The following PKD1L1 variants were observed in gnomAD, a reference collection of about 807,000 sequenced individuals.
The protein encoded by PKD1L1 is polycystin-1-like protein 1.
A neutral mutation model predicts 323.4 loss-of-function variants in PKD1L1; 236 were observed. The observed-to-expected ratio is 0.73, with a 90% CI of 0.66 to 0.81. The LOEUF (loss-of-function observed/expected upper bound fraction) is 0.81. Among genes scored for constraint, PKD1L1 ranks in the 40% least tolerant of loss-of-function variants. The pLI is 0.00. For synonymous variants in PKD1L1, 1,344 were observed against 1,335.0 expected (o/e 1.01, Z -0.15); for missense variants, 3,320 against 3,508.0 (o/e 0.95, Z 1.35).
chr7:47,817,698 C>T (rs1200580022), intron 46 of PKD1L1, among the ~76,000 whole-genome samples: 3 of 152,064 alleles, frequency 2.0e-5, no homozygotes, highest in Admixed American at 6.6e-5. Context: ...GCTAAACCCC[C>T]GTCTTTACTA....
intron 25 of PKD1L1, among the ~76,000 whole-genome samples, chr7:47,865,534 A>C (rs1180505775): frequency 7.2e-6 from 1 of 139,178 alleles, no homozygotes; most frequent in African/African-American, 2.8e-5. Flanking sequence ...AGGGCTGATG[A>C]AATAAGGGTG....
chr7:47,780,050 G>C (rs779725816), intron 56 of PKD1L1, among the ~76,000 whole-genome samples: 2 of 151,544 alleles, frequency 1.3e-5, no homozygotes, highest in Non-Finnish European at 2.9e-5. Flanking sequence ...TTTACTTTGA[G>C]ATAACTGTAG....
At chr7:47,903,725 C>T (rs980515587) in intron 12 of PKD1L1, among the ~76,000 whole-genome samples, 12 of 152,188 alleles carry the variant, frequency 7.9e-5, no homozygotes, top group Admixed American at 2.0e-4. Flanking sequence ...GTTTTGATGC[C>T]AGCCTGAGGC....
rs1490098008 is a variant in PKD1L1 at position 47,885,687 on chromosome 7, A to G, written c.3204T>C (p.Ser1068=). 3 of 1,609,734 alleles carry G rather than the reference A, an allele frequency of 1.9e-6. No homozygotes were observed. The African/African-American group carries it at 4.0e-5, about 22-fold the overall frequency. ...QPTHSPDPHL[S]DFEAYYSDIQ... ...ACATGCAGGAACAGTGGCACTTACC[A>G]GAGAGGTGAGGGTCAGGGCTGTGGG... Residue 1068 remains serine, a splice_region_variant and synonymous_variant, in exon 18 of 57, where the codon TCT becomes TCC. Transcript: ENST00000289672.
chr7:47,959,427 G>A, the PKD1L1 span, among the ~76,000 whole-genome samples: 1 of 147,568 alleles, frequency 6.8e-6, no homozygotes, highest in East Asian at 2.0e-4. Context: ...GAGCGTCTCT[G>A]CCCGGCCGCC....
chr7:47,895,348 G>A (rs1196480168), intron 14 of PKD1L1, among the ~76,000 whole-genome samples: 1 of 152,190 alleles, frequency 6.6e-6, no homozygotes, highest in Non-Finnish European at 1.5e-5. Flanking sequence ...CTGTCCCATA[G>A]GCTGGACACA....
chr7:47,795,284 TC>T, intron 55 of PKD1L1: 1 of 450,282 alleles, frequency 2.2e-6, no homozygotes, highest in Non-Finnish European at 4.5e-6. Context: ...CTGGTCTTTC[TC>T]ATGCTATTCT....
intron 26 of PKD1L1, among the ~76,000 whole-genome samples, chr7:47,863,070 G>A (rs1786067245): frequency 6.6e-6 from 1 of 152,218 alleles, no homozygotes; most frequent in African/African-American, 2.4e-5. Context: ...AGAGGCAGGA[G>A]AGGTAGGAAG....
rs1286257791 is a variant in PKD1L1, at chr7:47,890,600, C to A, written c.2617G>T (p.Gly873Cys). Residue 873 changes from glycine (G) to cysteine (C), a missense_variant, in exon 16 of 57, where the codon GGC becomes TGC. By Grantham distance (159) the Gly-to-Cys change is radical. Coordinates refer to ENST00000289672, the MANE Select transcript of PKD1L1 (RefSeq NM_138295.5). ...ACCCGGGTCTCAGAAGAGTTCCGGC[C>A]ACCACTGGAGACCCTCAGCATCACA... ...FLVMLRVSSG[G>C]RNSSETRVFL... 1.2e-6 allele frequency: 2 copies of A among 1,614,190 alleles called. No homozygotes were observed. Among genetic ancestry groups the A allele is most frequent in the East Asian group, 4.5e-5 (2 of 44,878 alleles).
At chr7:47,951,083 C>A (rs972533184), upstream of PKD1L1, among the ~76,000 whole-genome samples, 1 of 152,146 alleles carries the variant, frequency 6.6e-6, no homozygotes, top group Non-Finnish European at 1.5e-5. Context: ...AACTGGAAAA[C>A]GTCGAGTTTT....
In PKD1L1 at chr7:47,829,430, C is replaced by T. The variant is rs1427531934; in HGVS notation, c.6730G>A (p.Glu2244Lys). The T allele has an allele frequency of 6.3e-7, 1 of 1,585,338 alleles. No homozygotes were observed. The highest frequency in any genetic ancestry group is 1.9e-5 in the Admixed American group (1 of 51,722). Residue 2244 changes from glutamate to lysine, a missense_variant, in exon 44 of 57, where the codon GAA becomes AAA. Coordinates refer to ENST00000289672, the MANE Select transcript of PKD1L1 (RefSeq NM_138295.5). The stretch of plus-strand genomic sequence containing the variant: ...GCATAGGTAATTTTTTTTACTTTTT[C>T]AACCTCGCCTGCACAGTCAGGAATA... ...CSIPDCAGEV[E>K]KVLAARQQAR...
intron 15 of PKD1L1, among the ~76,000 whole-genome samples, chr7:47,892,844 CGGGGGTAGGGGAGGTGGTGT>C (rs1319651605): frequency 6.6e-6 from 1 of 151,402 alleles, no homozygotes; most frequent in African/African-American, 2.4e-5. Context: ...CACAATGTAC[CGGGGGTAGGGGAGGTGGTGT>C]GGAACTGATG....
intron 56 of PKD1L1, among the ~76,000 whole-genome samples, chr7:47,775,568 G>T (rs1786548601): frequency 6.6e-6 from 1 of 152,054 alleles, no homozygotes; most frequent in African/African-American, 2.4e-5. Context: ...AGGGAAATTA[G>T]AAAGTATTTT....
At chr7:47,853,065 G>A (rs1785816411) in intron 31 of PKD1L1, 62 bp downstream of exon 31, 2 of 1,112,556 alleles carry the variant, frequency 1.8e-6, no homozygotes, top group African/African-American at 1.6e-5. Flanking sequence ...ACATACAAAG[G>A]TTATAGGGGA....
chr7:47,899,751 T>G (rs1483023280), intron 13 of PKD1L1, among the ~76,000 whole-genome samples: 1 of 151,906 alleles, frequency 6.6e-6, no homozygotes, highest in Non-Finnish European at 1.5e-5. Context: ...GGTCAGGAGA[T>G]CAAGACCATC....
the PKD1L1 span, among the ~76,000 whole-genome samples, chr7:47,957,877 A>ATATATATATATATATATATC: frequency 8.1e-5 from 12 of 148,466 alleles, no homozygotes; most frequent in Non-Finnish European, 1.6e-4. Context: ...ATATATATAT[A>ATATATATATATATATATATC]TCTAGAAATA....
At chr7:47,797,785 T>C (rs776121214) in intron 54 of PKD1L1, among the ~76,000 whole-genome samples, 58 of 152,202 alleles carry the variant, frequency 3.8e-4, no homozygotes, top group Non-Finnish European at 6.6e-4. Flanking sequence ...TCTCCTGTTG[T>C]ATGAAGATTT....
chr7:47,879,856 C>T (rs1786496969), intron 21 of PKD1L1, among the ~76,000 whole-genome samples: 1 of 127,188 alleles, frequency 7.9e-6, no homozygotes, highest in South Asian at 2.4e-4. Flanking sequence ...TGGCGTGAAC[C>T]TGGGAGGCAG....
intron 2 of PKD1L1, among the ~76,000 whole-genome samples, chr7:47,942,779 C>A (rs1254149880): frequency 6.6e-6 from 1 of 152,066 alleles, no homozygotes; most frequent in African/African-American, 2.4e-5. Context: ...CGAAGTGTGG[C>A]CCCCAGATCT....
Sources: gnomAD v4.1 joint callset for allele counts (sites outside exome capture counted in the v4.1 genomes callset) on GRCh38, gnomAD v4.1.1 for gene constraint, MANE v1.5 for transcripts, NCBI Gene and HGNC (gene_info 2026-07-23, HGNC 2026-07-21) for gene names.